CYRIB: variants seen among roughly 807,000 people sequenced by gnomAD.
The protein encoded by CYRIB is CYFIP-related Rac1 interactor B.
In CYRIB, 8 loss-of-function variants were observed where a neutral mutation model predicts 44.2. That is an observed-to-expected ratio of 0.18 (90% CI 0.11 to 0.33). The LOEUF (loss-of-function observed/expected upper bound fraction) is 0.33, where lower values mean the gene tolerates loss of function less well. CYRIB is among the 10% of genes least tolerant of loss of function. CYRIB has a pLI of 1.00. For missense variants in CYRIB, 185 were observed against 382.8 expected (o/e 0.48, Z 4.31); for synonymous variants, 131 against 127.2 (o/e 1.03, Z -0.20).
intron 2 of CYRIB, among the ~76,000 whole-genome samples, chr8:129,956,664 C>T (rs2094853246): frequency 1.3e-5 from 2 of 152,146 alleles, no homozygotes; most frequent in Non-Finnish European, 1.5e-5. Flanking sequence ...AATCTCATCC[C>T]TAATGAAAAC....
intron 6 of CYRIB, 71 bp from the exon 9 acceptor site, chr8:129,854,414 C>G: frequency 8.8e-7 from 1 of 1,135,812 alleles, no homozygotes; most frequent in Non-Finnish European, 1.3e-6. Context: ...AGTAAAAAAT[C>G]TTTAGTTTTA....
At chr8:129,853,406 G>A (rs1192885693) in intron 7 of CYRIB, among the ~76,000 whole-genome samples, 2 of 152,146 alleles carry the variant, frequency 1.3e-5, no homozygotes, top group African/African-American at 2.4e-5. Context: ...GTGCCTTAGT[G>A]CAAGTGCTTC....
chr8:129,846,744 A>T, intron 11 of CYRIB, 60 bp downstream of exon 13: 4 of 1,153,646 alleles, frequency 3.5e-6, no homozygotes, highest in Non-Finnish European at 5.0e-6. Context: ...TCTTTACATA[A>T]ACATCGACCA....
intron 1 of CYRIB, among the ~76,000 whole-genome samples, chr8:129,934,938 G>A (rs1339192080): frequency 1.6e-4 from 24 of 152,312 alleles, no homozygotes; most frequent in South Asian, 2.1e-4. Flanking sequence ...GCACACTTAC[G>A]CATAGACATA....
At chr8:129,849,394 G>A in intron 9 of CYRIB, 25 bp from the exon 12 acceptor site, 1 of 1,578,706 alleles carries the variant, frequency 6.3e-7, no homozygotes, top group Non-Finnish European at 8.6e-7. Flanking sequence ...AGATATGCAT[G>A]GAAGAAGTGC....
At chr8:129,890,210 G>A (rs1384175590) in intron 2 of CYRIB, among the ~76,000 whole-genome samples, 1 of 152,190 alleles carries the variant, frequency 6.6e-6, no homozygotes, top group Non-Finnish European at 1.5e-5. Flanking sequence ...GTTATACTGT[G>A]GGTGAAATGT....
chr8:129,943,597 T>TTC (rs1269843498), upstream of CYRIB, among the ~76,000 whole-genome samples: 1 of 7,558 alleles, frequency 1.3e-4, no homozygotes, highest in African/African-American at 4.5e-4. Flanking sequence ...TCCATCTTTT[T>TTC]TTTTTTTTTT....
chr8:129,989,097 T>C (rs2096557661), intron 1 of CYRIB, among the ~76,000 whole-genome samples: 1 of 152,160 alleles, frequency 6.6e-6, no homozygotes, highest in Non-Finnish European at 1.5e-5. Flanking sequence ...TAACTGAATC[T>C]TCATTTTCAC....
At chr8:129,896,195 C>A (rs982507194) in intron 2 of CYRIB, among the ~76,000 whole-genome samples, 2 of 152,128 alleles carry the variant, frequency 1.3e-5, no homozygotes, top group African/African-American at 4.8e-5. Flanking sequence ...AATAAATGAA[C>A]AATTCAAGTA....
chr8:129,926,588 T>C (rs2087872553), intron 1 of CYRIB, among the ~76,000 whole-genome samples: 1 of 150,274 alleles, frequency 6.7e-6, no homozygotes, highest in Non-Finnish European at 1.5e-5. Flanking sequence ...GTCAGAGGAG[T>C]TCCTAATAAT....
chr8:129,985,271 G>A (rs1024111055), intron 1 of CYRIB, among the ~76,000 whole-genome samples: 1 of 152,206 alleles, frequency 6.6e-6, no homozygotes, highest in Non-Finnish European at 1.5e-5. Context: ...GCACCACAGC[G>A]GCTGGCAGCA....
intron 2 of CYRIB, among the ~76,000 whole-genome samples, chr8:129,885,293 T>C (rs926439348): frequency 6.6e-6 from 1 of 152,196 alleles, no homozygotes; most frequent in African/African-American, 2.4e-5. Flanking sequence ...GTTGCACCGG[T>C]TGCAACTTCT....
intron 11 of CYRIB, among the ~76,000 whole-genome samples, chr8:129,842,641 A>G (rs1193896184): frequency 6.6e-6 from 1 of 152,246 alleles, no homozygotes; most frequent in Non-Finnish European, 1.5e-5. Flanking sequence ...AGAAATAGTA[A>G]TATTTCATGT....
chr8:129,876,692 T>C (rs933176275), intron 3 of CYRIB, among the ~76,000 whole-genome samples: 4 of 150,226 alleles, frequency 2.7e-5, no homozygotes, highest in Non-Finnish European at 6.0e-5. Context: ...CGAGGTAATC[T>C]GCATGAATTA....
At chr8:129,966,451 CA>C (rs2095482318) in intron 2 of CYRIB, among the ~76,000 whole-genome samples, 1 of 152,118 alleles carries the variant, frequency 6.6e-6, no homozygotes, top group African/African-American at 2.4e-5. Context: ...TTTTTAAATA[CA>C]AAAGAAGAAA....
intron 2 of CYRIB, among the ~76,000 whole-genome samples, chr8:129,953,531 C>G (rs1007011036): frequency 4.6e-5 from 7 of 152,172 alleles, no homozygotes; most frequent in Non-Finnish European, 7.4e-5. Context: ...CAGCACACAC[C>G]ATCACTGCAA....
At chr8:130,016,122 C>A (rs112220482) in intron 1 of CYRIB, among the ~76,000 whole-genome samples, 55,311 of 147,584 alleles carry the variant, frequency 0.37, 11,129 homozygotes, top group East Asian at 0.59. Flanking sequence ...CCGCCCGCCG[C>A]CCCCCGCGCA....
intron 1 of CYRIB, among the ~76,000 whole-genome samples, chr8:129,914,107 T>C (rs1195116552): frequency 1.3e-5 from 2 of 152,244 alleles, no homozygotes; most frequent in Admixed American, 6.5e-5. Flanking sequence ...GTAGCTGTCC[T>C]GTGTTACTTC....
intron 2 of CYRIB, among the ~76,000 whole-genome samples, chr8:129,956,050 A>G (rs974725913): frequency 5.9e-5 from 9 of 152,196 alleles, no homozygotes; most frequent in African/African-American, 2.2e-4. Context: ...TTCACCTGAC[A>G]ATCTGGTTAG....
Sources: gnomAD v4.1 joint callset for allele counts (sites outside exome capture counted in the v4.1 genomes callset) on GRCh38, gnomAD v4.1.1 for gene constraint, MANE v1.5 for transcripts, NCBI Gene and HGNC (gene_info 2026-07-23, HGNC 2026-07-21) for gene names.